Variants in ANKRD11 observed in about 807,000 individuals in gnomAD.
ANKRD11 encodes the protein ankyrin repeat domain-containing protein 11.
In ANKRD11, 17 loss-of-function variants were observed where a neutral mutation model predicts 195.7. The observed-to-expected ratio is 0.09, with a 90% CI of 0.06 to 0.13. The LOEUF is 0.13. Ranked by LOEUF, ANKRD11 falls within the 10% of genes least tolerant of loss-of-function variation. ANKRD11 has a pLI of 1.00. For missense variants in ANKRD11, 3,735 were observed against 3,566.1 expected (o/e 1.05, Z -1.21); for synonymous variants, 1,953 against 1,528.1 (o/e 1.28, Z -6.49).
chr16:89,333,221 C>A (rs1192539609), intron 2 of ANKRD11, among the ~76,000 whole-genome samples: 2 of 152,234 alleles, frequency 1.3e-5, no homozygotes, highest in South Asian at 2.1e-4. Flanking sequence ...TAAACAGACA[C>A]TGAAAATAAA....
At chr16:89,486,355 C>T (rs1030531027) in intron 1 of ANKRD11, among the ~76,000 whole-genome samples, 2 of 151,536 alleles carry the variant, frequency 1.3e-5, no homozygotes, top group Non-Finnish European at 2.9e-5. Context: ...GTGGGAGGAT[C>T]GCTTCAGCTC....
At chr16:89,490,090 C>T (rs2057773827) in intron 1 of ANKRD11, among the ~76,000 whole-genome samples, 155 bp downstream of exon 1, 1 of 146,468 alleles carries the variant, frequency 6.8e-6, no homozygotes, top group East Asian at 2.1e-4. Context: ...GCCCCGGGCC[C>T]CCAAAGACCC....
In ANKRD11 at chr16:89,293,018, C is replaced by A. The variant is rs562020013; in HGVS notation, c.227-1835G>T. Among the ~76,000 whole-genome samples the A allele has an allele frequency of 3.8e-4, 58 of 152,314 alleles. 1 individual carries two copies. Among genetic ancestry groups the A allele is most frequent in the Non-Finnish European group, 7.1e-4 (48 of 68,024 alleles). ...GCTGGAGAAACCCCAGCTCCCCCACCGATAGCCCTCAAGTCCTCCTCTCTC... is the reference window on the plus strand; with the variant it reads ...GCTGGAGAAACCCCAGCTCCCCCACAGATAGCCCTCAAGTCCTCCTCTCTC... On this transcript the variant is annotated intron_variant, in intron 4 of 12. Coordinates refer to ENST00000301030, the MANE Select transcript of ANKRD11 (RefSeq NM_013275.6).
chr16:89,452,521 G>A (rs2044123948), intron 1 of ANKRD11, among the ~76,000 whole-genome samples: 1 of 151,788 alleles, frequency 6.6e-6, no homozygotes, highest in Non-Finnish European at 1.5e-5. Context: ...CAAGAATGCT[G>A]CTCTCAGCAC....
intron 2 of ANKRD11, among the ~76,000 whole-genome samples, chr16:89,386,428 C>A (rs1567732002): frequency 6.6e-6 from 1 of 152,184 alleles, no homozygotes; most frequent in African/African-American, 2.4e-5. Flanking sequence ...CGCCAGAAAC[C>A]CAGCCACTGG....
At chr16:89,275,254 T>A in intron 9 of ANKRD11, 63 bp from the exon 10 acceptor site, 16 of 1,441,610 alleles carry the variant, frequency 1.1e-5, no homozygotes, top group Non-Finnish European at 1.4e-5. Flanking sequence ...AAGGATATAG[T>A]CTGGAGTTCA....
chr16:89,383,656 C>T (rs1054256410), intron 2 of ANKRD11, among the ~76,000 whole-genome samples: 3 of 152,106 alleles, frequency 2.0e-5, no homozygotes, highest in African/African-American at 7.2e-5. Flanking sequence ...AGACGTCGAG[C>T]CCCTACCCTC....
intron 2 of ANKRD11, among the ~76,000 whole-genome samples, chr16:89,398,203 G>A (rs1387634694): frequency 6.6e-6 from 1 of 152,052 alleles, no homozygotes; most frequent in Non-Finnish European, 1.5e-5. Context: ...CTGTGAAACA[G>A]CTGAAGATTA....
intron 1 of ANKRD11, among the ~76,000 whole-genome samples, chr16:89,461,491 G>A (rs2056666949): frequency 6.6e-6 from 1 of 152,040 alleles, no homozygotes; most frequent in South Asian, 2.1e-4. Context: ...ACAGGCACCT[G>A]CCACCACGCC....
At chr16:89,412,602 G>C (rs181389297) in intron 2 of ANKRD11, 52 of 152,166 alleles carry the variant, frequency 3.4e-4, no homozygotes, top group African/African-American at 1.2e-3. Flanking sequence ...AGGTACATTG[G>C]TGTTTTTGCA....
intron 3 of ANKRD11, among the ~76,000 whole-genome samples, chr16:89,311,470 C>T (rs769443109): frequency 4.0e-5 from 6 of 151,846 alleles, no homozygotes; most frequent in Non-Finnish European, 8.8e-5. Flanking sequence ...AAACATGAAC[C>T]TCTACGCTTA....
At chr16:89,342,313 C>T (rs2038729066) in intron 2 of ANKRD11, among the ~76,000 whole-genome samples, 1 of 152,272 alleles carries the variant, frequency 6.6e-6, no homozygotes, top group Admixed American at 6.5e-5. Flanking sequence ...ACCTCAGAAC[C>T]AGCTTCTATC....
intron 1 of ANKRD11, among the ~76,000 whole-genome samples, chr16:89,460,274 T>C (rs948682357): frequency 4.6e-5 from 7 of 151,704 alleles, no homozygotes; most frequent in Admixed American, 2.6e-4. Context: ...AAAAATAAAA[T>C]TAAAATTAAA....
At chr16:89,436,863 G>A (rs1228846655) in intron 1 of ANKRD11, among the ~76,000 whole-genome samples, 1 of 152,212 alleles carries the variant, frequency 6.6e-6, no homozygotes, top group African/African-American at 2.4e-5. Context: ...GAAGCTTTGT[G>A]TTTTGCTCTT....
intron 2 of ANKRD11, among the ~76,000 whole-genome samples, chr16:89,349,839 A>C (rs948148491): frequency 6.6e-6 from 1 of 151,312 alleles, no homozygotes; most frequent in Admixed American, 6.6e-5. Context: ...AGAAATAAAA[A>C]TACAGGCCAA....
chr16:89,346,292 T>C (rs908399370), intron 2 of ANKRD11, among the ~76,000 whole-genome samples: 18 of 135,386 alleles, frequency 1.3e-4, no homozygotes, highest in Non-Finnish European at 2.7e-4. Context: ...ACAGAGAAAA[T>C]GCGCCTCAGC....
At chr16:89,271,483 AC>A (rs1397797946) in intron 11 of ANKRD11, 1 of 172,304 alleles carries the variant, frequency 5.8e-6, no homozygotes, top group Non-Finnish European at 1.3e-5. Context: ...TGAAGGGTGG[AC>A]ACGGATAAGA....
chr16:89,290,835 G>T lies in ANKRD11; in HGVS notation c.398-7C>A. ...TGCTTTGGTGTTGTGTCCACTGCAG[G>T]CCAAGGAGGGGACAGATGGGCATTA... On this transcript the variant is annotated splice_polypyrimidine_tract_variant and splice_region_variant and intron_variant, in intron 5 of 12. Transcript: ENST00000301030. 3 of 1,613,334 alleles carry T rather than the reference G, an allele frequency of 1.9e-6. No homozygotes were observed. Among genetic ancestry groups the T allele is most frequent in the Non-Finnish European group, 2.5e-6 (3 of 1,179,988 alleles).
chr16:89,352,311 C>G (rs1433787009), intron 2 of ANKRD11, among the ~76,000 whole-genome samples: 1 of 151,946 alleles, frequency 6.6e-6, no homozygotes, highest in African/African-American at 2.4e-5. Flanking sequence ...CCACGCGGTG[C>G]AGAGCCCTGG....
Sources: allele counts gnomAD v4.1 joint callset (sites outside exome capture counted in the v4.1 genomes callset), GRCh38; gene constraint gnomAD v4.1.1; transcripts MANE v1.5; gene names NCBI Gene and HGNC (gene_info 2026-07-23, HGNC 2026-07-21).